The following LHX8 variants were observed in gnomAD, a reference collection of about 807,000 sequenced individuals.
LHX8 encodes the protein LIM/homeobox protein Lhx8.
LHX8 carries 12 observed loss-of-function variants against 40.3 expected under a neutral mutation model. The observed-to-expected ratio is 0.30, with a 90% CI of 0.19 to 0.48. LHX8 has a LOEUF of 0.48. LHX8 is among the 20% of genes least tolerant of loss of function. LHX8 has a pLI of 0.99. For missense variants in LHX8, 344 were observed against 433.7 expected, an observed-to-expected ratio of 0.79 and a Z score of 1.84; for synonymous variants, 179 against 162.0, an observed-to-expected ratio of 1.10 and a Z score of -0.80.
chr1:75,183,170 G>C, the LHX8 span: 1 of 152,166 alleles, frequency 6.6e-6, no homozygotes, highest in Non-Finnish European at 1.5e-5. Flanking sequence ...CCCTGAAAGA[G>C]ATGGGGAGGG....
At chr1:75,167,287 T>A in the LHX8 span, among the ~76,000 whole-genome samples, 1 of 152,238 alleles carries the variant, frequency 6.6e-6, no homozygotes, top group Non-Finnish European at 1.5e-5. Flanking sequence ...CAAAATGGAC[T>A]AATAATAGCA....
intron 1 of LHX8, among the ~76,000 whole-genome samples, chr1:75,135,782 C>G (rs1040166336): frequency 3.3e-5 from 5 of 152,224 alleles, no homozygotes; most frequent in African/African-American, 4.8e-5. Context: ...TTTAATGGCA[C>G]AAATTAAATT....
At chr1:75,137,075 G>T (rs1273140995) in intron 2 of LHX8, 25 bp from the exon 3 acceptor site, 2 of 1,590,668 alleles carry the variant, frequency 1.3e-6, no homozygotes, top group Non-Finnish European at 8.6e-7. Context: ...GTCTAGAACC[G>T]CCTGCGCCTC....
intron 7 of LHX8, among the ~76,000 whole-genome samples, chr1:75,155,519 C>T (rs985894128): frequency 6.6e-6 from 1 of 152,094 alleles, no homozygotes; most frequent in African/African-American, 2.4e-5. Flanking sequence ...CAGGAGTGAG[C>T]CACTGCGCCC....
the LHX8 span, among the ~76,000 whole-genome samples, chr1:75,186,057 G>C: frequency 6.6e-6 from 1 of 151,902 alleles, no homozygotes; most frequent in East Asian, 1.9e-4. Context: ...GACACAAATG[G>C]AAAAACATTT....
chr1:75,157,104 C>T (rs770926314), intron 8 of LHX8, 28 bp downstream of exon 8: 5 of 1,607,532 alleles, frequency 3.1e-6, no homozygotes, highest in Non-Finnish European at 4.3e-6. Flanking sequence ...TAACAGCTGT[C>T]TCCCAGGCAA....
At chr1:75,168,706 C>T in the LHX8 span, among the ~76,000 whole-genome samples, 1 of 152,188 alleles carries the variant, frequency 6.6e-6, no homozygotes, top group African/African-American at 2.4e-5. Flanking sequence ...ATGACCACAG[C>T]TCACTGTAGT....
At chr1:75,195,924 A>T in the LHX8 span, among the ~76,000 whole-genome samples, 1 of 152,108 alleles carries the variant, frequency 6.6e-6, no homozygotes, top group Non-Finnish European at 1.5e-5. Flanking sequence ...CACCTCATTT[A>T]CTTATTAAAG....
At chr1:75,163,301 C>G (rs968427016), downstream of LHX8, among the ~76,000 whole-genome samples, 2 of 152,086 alleles carry the variant, frequency 1.3e-5, no homozygotes, top group Admixed American at 1.3e-4. Flanking sequence ...TGTAGTATTT[C>G]TTGATGTGGT....
downstream of LHX8, among the ~76,000 whole-genome samples, chr1:75,164,047 T>C (rs1038352246): frequency 1.3e-5 from 2 of 152,234 alleles, no homozygotes; most frequent in Admixed American, 6.5e-5. Flanking sequence ...TTACCCTGTC[T>C]GATATTTTGT....
the LHX8 span, among the ~76,000 whole-genome samples, chr1:75,193,965 A>T: frequency 2.0e-5 from 3 of 152,144 alleles, no homozygotes; most frequent in Admixed American, 2.0e-4. Flanking sequence ...TTTAAATTTT[A>T]TATTTATACA....
chr1:75,133,326 CTAT>C (rs1553132116), upstream of LHX8, among the ~76,000 whole-genome samples: 1 of 96,478 alleles, frequency 1.0e-5, no homozygotes, highest in Non-Finnish European at 2.3e-5. Context: ...ACAGGAAAGG[CTAT>C]CTATCTCCTC....
the LHX8 span, among the ~76,000 whole-genome samples, chr1:75,177,907 G>C: frequency 6.6e-6 from 1 of 152,086 alleles, no homozygotes; most frequent in Admixed American, 6.5e-5. Context: ...TTTGTTGAAG[G>C]CCTTTTCTGC....
the LHX8 span, among the ~76,000 whole-genome samples, chr1:75,192,815 C>A: frequency 3.3e-5 from 5 of 151,972 alleles, no homozygotes; most frequent in African/African-American, 1.2e-4. Context: ...GATTTAGCCT[C>A]CTGAGTAGCT....
intron 6 of LHX8, among the ~76,000 whole-genome samples, chr1:75,148,073 T>A (rs1430254266): frequency 6.6e-6 from 1 of 150,456 alleles, no homozygotes; most frequent in Non-Finnish European, 1.5e-5. Flanking sequence ...TTTAGACACC[T>A]TTTTTTTTGC....
At chr1:75,164,408 A>T (rs974533575), downstream of LHX8, among the ~76,000 whole-genome samples, 9 of 152,168 alleles carry the variant, frequency 5.9e-5, no homozygotes, top group Non-Finnish European at 1.2e-4. Flanking sequence ...ATTTTAAATG[A>T]CACTGTGAAG....
At chr1:75,166,538 T>C in the LHX8 span, among the ~76,000 whole-genome samples, 2 of 152,212 alleles carry the variant, frequency 1.3e-5, no homozygotes, top group African/African-American at 4.8e-5. Context: ...CCACTACTAG[T>C]TATTAGCTCA....
At chr1:75,177,168 G>C in the LHX8 span, among the ~76,000 whole-genome samples, 1 of 152,066 alleles carries the variant, frequency 6.6e-6, no homozygotes, top group Non-Finnish European at 1.5e-5. Flanking sequence ...CTCTTTTTTG[G>C]TTCCATATGA....
chr1:75,148,411 A>G (rs1437079890), intron 6 of LHX8, among the ~76,000 whole-genome samples, 176 bp from the exon 7 acceptor site: 1 of 152,220 alleles, frequency 6.6e-6, no homozygotes, highest in East Asian at 1.9e-4. Context: ...CAACTTGTGT[A>G]TAAATTTACA....
Sources: gnomAD v4.1 joint callset for allele counts (sites outside exome capture counted in the v4.1 genomes callset) on GRCh38, gnomAD v4.1.1 for gene constraint, MANE v1.5 for transcripts, NCBI Gene and HGNC (gene_info 2026-07-23, HGNC 2026-07-21) for gene names.